Variants in SHANK2 observed in about 807,000 individuals in gnomAD.
SHANK2 encodes SH3 and multiple ankyrin repeat domains protein 2.
A neutral mutation model predicts 133.7 loss-of-function variants in SHANK2; 43 were observed. That is an observed-to-expected ratio of 0.32 (90% confidence interval 0.25 to 0.41). SHANK2 has a LOEUF of 0.41. SHANK2 is among the 10% of genes least tolerant of loss of function. The pLI is 1.00. For missense variants in SHANK2, 1,994 were observed against 2,235.8 expected (o/e 0.89, Z 2.18); for synonymous variants, 1,017 against 952.8 (o/e 1.07, Z -1.24).
intron 11 of SHANK2, among the ~76,000 whole-genome samples, chr11:70,831,911 A>G (rs1475739647): frequency 1.3e-5 from 2 of 152,230 alleles, no homozygotes; most frequent in Non-Finnish European, 2.9e-5. Context: ...TGCCCCCTGC[A>G]GCCATGGGCC....
intron 11 of SHANK2, among the ~76,000 whole-genome samples, chr11:70,826,161 C>T (rs1354855297): frequency 5.3e-5 from 8 of 152,320 alleles, no homozygotes; most frequent in East Asian, 3.9e-4. Flanking sequence ...CCTTTATTTT[C>T]CCTAGGACTT....
intron 11 of SHANK2, among the ~76,000 whole-genome samples, chr11:70,840,684 G>A (rs1555061428): frequency 6.6e-6 from 1 of 152,212 alleles, no homozygotes; most frequent in Non-Finnish European, 1.5e-5. Flanking sequence ...TCAGCTATCA[G>A]GGCAGGGCTC....
At chr11:70,924,782 T>C (rs1207667864) in intron 10 of SHANK2, among the ~76,000 whole-genome samples, 1 of 152,174 alleles carries the variant, frequency 6.6e-6, no homozygotes, top group African/African-American at 2.4e-5. Flanking sequence ...GATAAGGGTT[T>C]TACACTTTTA....
At position 70,628,778 on chromosome 11, in the gene SHANK2, C is replaced by G. The variant is rs78986721; in HGVS notation, c.2061+31050G>C. Among the ~76,000 whole-genome samples the G allele has an allele frequency of 5.2e-3, 791 of 152,336 alleles. 4 individuals are homozygous for G. Among genetic ancestry groups the G allele is most frequent in the African/African-American group, 0.018 (756 of 41,574 alleles). On this transcript the variant is annotated intron_variant, in intron 17 of 25. Transcript: ENST00000601538. ...CGAAGTTTCGGCCCACCTGCCCTCCCCAGGACAGGCTCAAACTGAGTGTCT... is the reference window on the plus strand; with the variant it reads ...CGAAGTTTCGGCCCACCTGCCCTCCGCAGGACAGGCTCAAACTGAGTGTCT...
At chr11:70,944,158 G>C (rs1473825419) in intron 10 of SHANK2, among the ~76,000 whole-genome samples, 1 of 152,222 alleles carries the variant, frequency 6.6e-6, no homozygotes, top group Admixed American at 6.5e-5. Context: ...TACATGTAAC[G>C]AATTTATCAC....
At chr11:70,897,072 C>A (rs1949946861) in intron 10 of SHANK2, among the ~76,000 whole-genome samples, 1 of 152,216 alleles carries the variant, frequency 6.6e-6, no homozygotes, top group Non-Finnish European at 1.5e-5. Flanking sequence ...TAGATGTATG[C>A]ACAGCCAGAT....
chr11:70,564,151 G>A (rs1479674336), intron 17 of SHANK2, among the ~76,000 whole-genome samples: 2 of 152,066 alleles, frequency 1.3e-5, no homozygotes, highest in African/African-American at 4.8e-5. Flanking sequence ...TTTCTCTCAT[G>A]TGTCTTGTGC....
At chr11:71,096,119 G>T (rs1473355592) in intron 6 of SHANK2, among the ~76,000 whole-genome samples, 1 of 152,036 alleles carries the variant, frequency 6.6e-6, no homozygotes, top group Non-Finnish European at 1.5e-5. Context: ...CATTCATCCT[G>T]TCTCCATGTG....
intron 10 of SHANK2, among the ~76,000 whole-genome samples, chr11:70,905,253 A>T (rs1453044530): frequency 6.6e-6 from 1 of 152,166 alleles, no homozygotes; most frequent in African/African-American, 2.4e-5. Context: ...TATATCAGGC[A>T]ACCCCTTTCA....
At chr11:71,181,974 C>T (rs1372042177) in intron 2 of SHANK2, among the ~76,000 whole-genome samples, 5 of 152,188 alleles carry the variant, frequency 3.3e-5, no homozygotes, top group African/African-American at 1.2e-4. Context: ...GGAGGGGCAG[C>T]GCCCTGCAGT....
rs1445825748 is a variant in SHANK2 at position 70,487,907 on chromosome 11, A to C, written c.2573-187T>G. Among the ~76,000 whole-genome samples, 3 of 152,206 alleles carry C rather than the reference A, an allele frequency of 2.0e-5. No individual in the cohort carries two copies. The highest frequency in any genetic ancestry group is 4.8e-5 in the African/African-American group (2 of 41,464). ...ATGGCCCGTCGTGAGCCAAAGGACA[A>C]GAAAGGGAAGAACAGAAAGGCACTG... On this transcript the variant is annotated intron_variant, in intron 24 of 25. Transcript: ENST00000601538. This position sits in a 1 kb window ranked among gnomAD's most constrained non-coding sequence, Gnocchi z 5.8.
intron 17 of SHANK2, among the ~76,000 whole-genome samples, chr11:70,513,542 T>G (rs1270578046): frequency 6.6e-6 from 1 of 152,216 alleles, no homozygotes; most frequent in African/African-American, 2.4e-5. Flanking sequence ...TCACGAAATT[T>G]GGGATACAAC....
chr11:70,892,476 A>G (rs1286348375), intron 11 of SHANK2, among the ~76,000 whole-genome samples: 1 of 152,108 alleles, frequency 6.6e-6, no homozygotes, highest in Non-Finnish European at 1.5e-5. Context: ...GCCCCATCCC[A>G]GTCCACACTG....
At chr11:70,817,781 C>G (rs1254790587) in intron 12 of SHANK2, among the ~76,000 whole-genome samples, 10 of 152,202 alleles carry the variant, frequency 6.6e-5, no homozygotes, top group African/African-American at 2.4e-4. Flanking sequence ...GTCACTCAGG[C>G]CGGAGTGCAG....
intron 6 of SHANK2, among the ~76,000 whole-genome samples, chr11:71,095,895 C>A (rs1406171011): frequency 6.6e-6 from 1 of 151,472 alleles, no homozygotes; most frequent in African/African-American, 2.4e-5. Context: ...ATGTGAAAAG[C>A]AGGCTTCCTG....
At chr11:70,885,412 G>A (rs1358258001) in intron 11 of SHANK2, among the ~76,000 whole-genome samples, 1 of 152,198 alleles carries the variant, frequency 6.6e-6, no homozygotes, top group Non-Finnish European at 1.5e-5. Flanking sequence ...CACCATGGGG[G>A]ATCCGCAGTG....
At chr11:70,649,266 G>A (rs1555009420) in intron 17 of SHANK2, among the ~76,000 whole-genome samples, 1 of 152,194 alleles carries the variant, frequency 6.6e-6, no homozygotes, top group African/African-American at 2.4e-5. Flanking sequence ...GGAGATGCAT[G>A]GGAAAGTCTG....
intron 2 of SHANK2, among the ~76,000 whole-genome samples, chr11:71,201,407 G>C (rs1238543004): frequency 6.6e-6 from 1 of 152,238 alleles, no homozygotes; most frequent in African/African-American, 2.4e-5. Context: ...ATTGCGCCGA[G>C]CTGGCGTGTG....
At chr11:71,116,140 C>T (rs944632928) in intron 4 of SHANK2, among the ~76,000 whole-genome samples, 5 of 152,202 alleles carry the variant, frequency 3.3e-5, no homozygotes, top group East Asian at 3.8e-4. Flanking sequence ...CGTGCAGACG[C>T]GGCATCACCT....
Sources: gnomAD v4.1 joint callset for allele counts (sites outside exome capture counted in the v4.1 genomes callset) on GRCh38, gnomAD v4.1.1 for gene constraint, Gnocchi (gnomAD v3.1) non-coding constraint, MANE v1.5 for transcripts, NCBI Gene and HGNC (gene_info 2026-07-23, HGNC 2026-07-21) for gene names.